Variants in ZSCAN22 observed in about 807,000 individuals in gnomAD.
ZSCAN22 encodes the protein zinc finger and SCAN domain containing 22, also known as zinc finger and SCAN domain-containing protein 22.
A neutral mutation model predicts 12.4 loss-of-function variants in ZSCAN22; 7 were observed. The ratio of observed to expected loss-of-function variants is 0.57; its 90% CI spans 0.32 to 1.06. The LOEUF (loss-of-function observed/expected upper bound fraction) is 1.06, where lower values mean the gene tolerates loss of function less well. Ranked by LOEUF, ZSCAN22 falls within the 50% of genes least tolerant of loss-of-function variation. The probability of loss-of-function intolerance (pLI) is 0.04; values close to 1 mark genes in which losing one functional copy is unlikely to be tolerated. For synonymous variants in ZSCAN22, 243 were observed against 255.9 expected (o/e 0.95, Z 0.48); for missense variants, 576 against 631.7 (o/e 0.91, Z 0.94).
intron 1 of ZSCAN22, 123 bp from the exon 2 acceptor site, chr19:58,334,629 T>C (rs1837384071): frequency 4.3e-6 from 3 of 699,154 alleles, no homozygotes; most frequent in Admixed American, 6.0e-5. Context: ...ATTATGAGGA[T>C]TGTCTATGTC....
chr19:58,335,109 C>G lies in ZSCAN22; in HGVS notation c.307C>G (p.Pro103Ala), dbSNP rs1428715823. Residue 103 changes from proline to alanine, a missense_variant, in exon 2 of 3, where the codon CCA becomes GCA. Transcript: ENST00000329665. This position sits in a 1 kb window ranked among gnomAD's most constrained non-coding sequence, Gnocchi z 4.1. ...VLEQFLGALP[P>A]EIQAWVGAQS... Reference sequence around the variant, plus strand: ...GGAGCAGTTCCTGGGTGCGCTGCCCCCAGAGATCCAAGCCTGGGTGGGAGC... The same window carrying G: ...GGAGCAGTTCCTGGGTGCGCTGCCCGCAGAGATCCAAGCCTGGGTGGGAGC... The G allele has an allele frequency of 1.2e-6, 2 of 1,614,122 alleles. No homozygotes were observed. Among genetic ancestry groups the G allele is most frequent in the East Asian group, 2.2e-5 (1 of 44,870 alleles).
Position 58,339,191 on chromosome 19 carries a change from G to C in ZSCAN22, c.1341G>C (p.Gln447His). 1 of 1,614,146 alleles carries C rather than the reference G, an allele frequency of 6.2e-7. No homozygotes were observed. The highest frequency in any genetic ancestry group is 8.5e-7 in the Non-Finnish European group (1 of 1,180,022). Reference protein sequence around the residue: ...QCKVCPKAFAQSSSLIEHQRI... With the variant: ...QCKVCPKAFAHSSSLIEHQRI... ...AGGTTTGTCCGAAGGCCTTTGCACA[G>C]AGCTCCTCCCTCATTGAGCACCAGA... The change falls in exon 3 of 3, where the codon CAG (glutamine) becomes CAC (histidine). Residue 447 changes from glutamine (Q) to histidine (H), a missense_variant. Transcript: ENST00000329665. This position sits in a 1 kb window ranked among gnomAD's most constrained non-coding sequence, Gnocchi z 5.6.
rs1416477234 is a variant in ZSCAN22 at position 58,329,028 on chromosome 19, C to T, written c.-52+1914C>T. Among the ~76,000 whole-genome samples the T allele has an allele frequency of 6.6e-6, 1 of 152,238 alleles. No homozygotes were observed. Among genetic ancestry groups the T allele is most frequent in the East Asian group, 1.9e-4 (1 of 5,174 alleles). Reference sequence around the variant, plus strand: ...TAGTACCAGGTATCTGGGATGACACCTGAGGAAAGTGGCAGCTAAGATGAG... The same window carrying T: ...TAGTACCAGGTATCTGGGATGACACTTGAGGAAAGTGGCAGCTAAGATGAG... On this transcript the variant is annotated intron_variant, in intron 1 of 2. Transcript: ENST00000329665. This position sits in a 1 kb window ranked among gnomAD's most constrained non-coding sequence, Gnocchi z 4.1.
chr19:58,328,056 G>T (rs1329515443), intron 1 of ZSCAN22, among the ~76,000 whole-genome samples: 1 of 152,160 alleles, frequency 6.6e-6, no homozygotes. Flanking sequence ...TCACCATGTT[G>T]GTTAGGCTGG....
chr19:58,332,894 G>A (rs1017953882), intron 1 of ZSCAN22, among the ~76,000 whole-genome samples: 2 of 152,112 alleles, frequency 1.3e-5, no homozygotes, highest in Non-Finnish European at 2.9e-5. Context: ...TTCCCACAGT[G>A]GCTATCCCAT....
At position 58,340,563 on chromosome 19, in the gene ZSCAN22, C is replaced by T. The variant is rs1433395654; in HGVS notation, c.*1237C>T. ...CGATCTCGGCTCACTGCAAGCTCTG[C>T]CTCCCGGGTTCATGCCATTCTCCTG... On this transcript the variant is annotated 3_prime_UTR_variant, in exon 3 of 3. Transcript: ENST00000329665. 1 of 151,302 alleles carries T rather than the reference C, an allele frequency of 6.6e-6. No individual in the cohort carries two copies. The highest frequency in any genetic ancestry group is 2.4e-5 in the African/African-American group (1 of 41,076). 9.4% of individuals were successfully genotyped at this position (151,302 alleles called of 1,614,324 possible).
Position 58,338,053 on chromosome 19 carries a change from GT to G in ZSCAN22, c.404-200del, listed in dbSNP as rs1280741901. 6.6e-6 allele frequency among the ~76,000 whole-genome samples: 1 copy of G among 152,244 alleles called. No homozygotes were observed. The highest frequency in any genetic ancestry group is 2.4e-5 in the African/African-American group (1 of 41,470). ...GGAGGAGGAGAAATCAGAACCCATG[GT>G]GTAGTTTTGGATGGTGTGGGAGGAC... On this transcript the variant is annotated intron_variant, in intron 2 of 2. Coordinates refer to ENST00000329665, the MANE Select transcript of ZSCAN22 (RefSeq NM_181846.3). This position sits in a 1 kb window ranked among gnomAD's most constrained non-coding sequence, Gnocchi z 5.4.
At chr19:58,331,533 A>ATTATTG (rs2051725687) in intron 1 of ZSCAN22, among the ~76,000 whole-genome samples, 1 of 126,304 alleles carries the variant, frequency 7.9e-6, no homozygotes, top group African/African-American at 2.9e-5. Flanking sequence ...TATTATTATT[A>ATTATTG]TTATTATTAT....
intron 2 of ZSCAN22, among the ~76,000 whole-genome samples, chr19:58,336,976 T>C (rs2051805077): frequency 6.6e-6 from 1 of 152,166 alleles, no homozygotes; most frequent in Non-Finnish European, 1.5e-5. Context: ...TGTCTCTGCC[T>C]CCTCCCTGGA....
intron 1 of ZSCAN22, among the ~76,000 whole-genome samples, chr19:58,331,215 CTTTTT>C (rs60442054): frequency 7.6e-6 from 1 of 131,440 alleles, no homozygotes. Flanking sequence ...ATCAAATGCA[CTTTTT>C]TTTTTTTTTT....
rs1600497428 is a variant in ZSCAN22 at position 58,340,593 on chromosome 19, A to T, written c.*1267A>T. The T allele has an allele frequency of 6.8e-6, 1 of 146,884 alleles. No homozygotes were observed. The highest frequency in any genetic ancestry group is 1.5e-5 in the Non-Finnish European group (1 of 67,286). The allele number at this position is 146,884 out of a possible 1,614,324, so 9.1% of individuals were successfully genotyped here. On this transcript the variant is annotated 3_prime_UTR_variant, in exon 3 of 3. Transcript: ENST00000329665. ...CGGGTTCATGCCATTCTCCTGCCTC[A>T]GCCTCCCAAGTAGCTGGGACTACAG...
In ZSCAN22 at chr19:58,338,926, A is replaced by T. The variant is rs1381235586; in HGVS notation, c.1076A>T (p.Lys359Ile). The T allele has an allele frequency of 6.2e-7, 1 of 1,614,070 alleles. No homozygotes were observed. The highest frequency in any genetic ancestry group is 1.7e-5 in the Admixed American group (1 of 60,020). The change falls in exon 3 of 3, where the codon AAA becomes ATA. Residue 359 changes from lysine (K) to isoleucine (I), a missense_variant. Transcript: ENST00000329665. This position sits in a 1 kb window ranked among gnomAD's most constrained non-coding sequence, Gnocchi z 5.4. The part of the protein sequence containing the change: ...EKPYKCGECG[K>I]TFSRSTHLTQ... ...CCCTACAAATGTGGGGAATGTGGTA[A>T]AACCTTCAGCCGCAGCACTCACCTC...
chr19:58,331,066 TAAAC>T (rs1424354722), intron 1 of ZSCAN22, among the ~76,000 whole-genome samples: 2 of 152,074 alleles, frequency 1.3e-5, no homozygotes, highest in African/African-American at 2.4e-5. Context: ...AAGTAAATAA[TAAAC>T]AAGTAACCAC....
At chr19:58,331,215 CTTTTTT>C (rs60442054) in intron 1 of ZSCAN22, among the ~76,000 whole-genome samples, 1 of 131,444 alleles carries the variant, frequency 7.6e-6, no homozygotes, top group African/African-American at 2.9e-5. Context: ...ATCAAATGCA[CTTTTTT>C]TTTTTTTTTT....
chr19:58,333,169 G>A (rs1300462932), intron 1 of ZSCAN22, among the ~76,000 whole-genome samples: 1 of 152,172 alleles, frequency 6.6e-6, no homozygotes, highest in African/African-American at 2.4e-5. Flanking sequence ...AGTTGTTCTA[G>A]ATACAGGTCC....
In ZSCAN22 at chr19:58,334,947, C is replaced by G; in HGVS notation, c.145C>G (p.Arg49Gly). Residue 49 changes from arginine (R) to glycine (G), a missense_variant, in exon 2 of 3, where the codon CGC (arginine) becomes GGC (glycine). Transcript: ENST00000329665. ...HDHIAHSEAARLRFRHFRYEE... is the reference protein window; with the variant it reads ...HDHIAHSEAAGLRFRHFRYEE... ...CCACATTGCTCACTCTGAGGCTGCA[C>G]GCCTGCGCTTCCGGCACTTCCGCTA... is the stretch of plus-strand genomic sequence containing the variant. 1 of 1,614,144 alleles carries G rather than the reference C, an allele frequency of 6.2e-7. No individual in the cohort carries two copies. Among genetic ancestry groups the G allele is most frequent in the Non-Finnish European group, 8.5e-7 (1 of 1,180,046 alleles).
intron 2 of ZSCAN22, among the ~76,000 whole-genome samples, chr19:58,337,954 C>T (rs2051816956): frequency 6.6e-6 from 1 of 152,256 alleles, no homozygotes; most frequent in Admixed American, 6.5e-5. Context: ...GTCTCCAGAT[C>T]AGTTCCACAT....
intron 1 of ZSCAN22, 49 bp from the exon 2 acceptor site, chr19:58,334,703 A>T (rs1306938349): frequency 5.2e-6 from 7 of 1,341,374 alleles, no homozygotes; most frequent in Non-Finnish European, 6.0e-6. Flanking sequence ...TGTAGGCATG[A>T]GGCAGGGCCC....
rs755576025 is a variant in ZSCAN22, at chr19:58,338,499, G to C, written c.649G>C (p.Asp217His). ...TSGPYKDVPT[D>H]QRGRESGASR... ...AGGGCCTTACAAGGATGTCCCCACA[G>C]ACCAGCGTGGCCGTGAATCTGGTGC... The change falls in exon 3 of 3, where the codon GAC becomes CAC. Residue 217 changes from aspartate to histidine, a missense_variant. By Grantham distance (81) the Asp-to-His change is moderately conservative. Coordinates refer to ENST00000329665, the MANE Select transcript of ZSCAN22 (RefSeq NM_181846.3). The surrounding 1 kb of genome is among the most constrained non-coding windows in gnomAD (Gnocchi z 5.4). 1.2e-6 allele frequency: 2 copies of C among 1,614,222 alleles called. No individual in the cohort carries two copies. The highest frequency in any genetic ancestry group is 2.2e-5 in the South Asian group (2 of 91,082).
Sources: gnomAD v4.1 joint callset for allele counts (sites outside exome capture counted in the v4.1 genomes callset) on GRCh38, gnomAD v4.1.1 for gene constraint, Gnocchi (gnomAD v3.1) non-coding constraint, MANE v1.5 for transcripts, NCBI Gene and HGNC (gene_info 2026-07-23, HGNC 2026-07-21) for gene names.